IGSF9B: variants seen among roughly 807,000 people sequenced by gnomAD.
IGSF9B encodes immunoglobulin superfamily member 9B, also known as protein turtle homolog B.
Under a neutral mutation model 143.7 loss-of-function variants are expected in IGSF9B, and 48 were observed. The observed-to-expected ratio is 0.33, with a 90% confidence interval of 0.26 to 0.42. The LOEUF (loss-of-function observed/expected upper bound fraction) is 0.42, where lower values mean the gene tolerates loss of function less well. Ranked by LOEUF, IGSF9B falls within the 20% of genes least tolerant of loss-of-function variation. The pLI, the probability that IGSF9B is intolerant of heterozygous loss-of-function variation, is 1.00. For missense variants in IGSF9B, 1,706 were observed against 1,980.0 expected (o/e 0.86, Z 2.63); for synonymous variants, 903 against 833.1 (o/e 1.08, Z -1.44).
intron 7 of IGSF9B, among the ~76,000 whole-genome samples, chr11:133,934,027 G>C (rs190646663): frequency 3.5e-4 from 53 of 151,846 alleles, no homozygotes; most frequent in Admixed American, 3.0e-3. Context: ...TTTATGAATG[G>C]GAAATACTCT....
rs780648245 is a variant in IGSF9B at position 133,903,413 on chromosome 11, G to A, written c.*5656C>T. Among the ~76,000 whole-genome samples the A allele has an allele frequency of 2.6e-5, 4 of 152,116 alleles. No homozygotes were observed. The highest frequency in any genetic ancestry group is 1.9e-4 in the East Asian group (1 of 5,188). On this transcript the variant is annotated 3_prime_UTR_variant, in exon 20 of 20. Transcript: ENST00000533871. Reference sequence around the variant, plus strand: ...AGCCGGTAGCTTTTCACCAGCTCTCGTCCGAAACCCTAACTACTACTACTG... The same window carrying A: ...AGCCGGTAGCTTTTCACCAGCTCTCATCCGAAACCCTAACTACTACTACTG...
At chr11:133,929,074 A>G (rs1219865002) in intron 12 of IGSF9B, among the ~76,000 whole-genome samples, 2 of 152,228 alleles carry the variant, frequency 1.3e-5, no homozygotes, top group African/African-American at 2.4e-5. Flanking sequence ...CAGGATTACA[A>G]GCAACAATAA....
chr11:133,915,887 G>A (rs568937712), intron 18 of IGSF9B, among the ~76,000 whole-genome samples: 122 of 152,248 alleles, frequency 8.0e-4, no homozygotes, highest in Admixed American at 1.8e-3. Flanking sequence ...ACTCATAGAC[G>A]GGCCATAGCA....
chr11:133,920,653 C>T lies in IGSF9B; in HGVS notation c.3072G>A (p.Thr1024=), dbSNP rs1280241177. 5.0e-6 allele frequency: 8 copies of T among 1,613,368 alleles called. No homozygotes were observed. Among genetic ancestry groups the T allele is most frequent in the Admixed American group, 1.7e-5 (1 of 60,004 alleles). Residue 1024 remains threonine (T), a synonymous_variant, in exon 18 of 20, where the codon ACG becomes ACA. Coordinates refer to ENST00000533871, the MANE Select transcript of IGSF9B (RefSeq NM_001277285.4). ...EENGENASNS[T]LPLTQTPTGG... is the part of the protein sequence containing the mutation. The stretch of plus-strand genomic sequence containing the variant: ...CTGTAGGTGTCTGAGTCAAGGGCAG[C>T]GTGCTGTTGGATGCATTCTCTCCAT...
intron 13 of IGSF9B, among the ~76,000 whole-genome samples, 163 bp downstream of exon 13, chr11:133,926,753 A>C (rs1278627004): frequency 6.6e-6 from 1 of 152,216 alleles, no homozygotes; most frequent in African/African-American, 2.4e-5. Flanking sequence ...AGCAAACCCC[A>C]CAGAGACCAC....
In IGSF9B at chr11:133,931,602, C is replaced by A; in HGVS notation, c.1252-33G>T. ...GGAAAGCACAGGCACCCTCGTGAGG[C>A]CGGGGATCCAGGTGCCCAGCTCATG... On this transcript the variant is annotated intron_variant, in intron 9 of 19. Coordinates refer to ENST00000533871, the MANE Select transcript of IGSF9B (RefSeq NM_001277285.4). The surrounding 1 kb of genome is among the most constrained non-coding windows in gnomAD (Gnocchi z 7.7). 6.2e-7 allele frequency: 1 copy of A among 1,609,696 alleles called. No homozygotes were observed.
In IGSF9B at chr11:133,901,233, T is replaced by C. The variant is rs577101001; in HGVS notation, c.*7836A>G. 25 of 152,180 alleles carry C rather than the reference T, an allele frequency of 1.6e-4. No homozygotes were observed. Among genetic ancestry groups the C allele is most frequent in the African/African-American group, 6.0e-4 (25 of 41,484 alleles). The allele number at this position is 152,180 out of a possible 1,614,324, so 9.4% of individuals were successfully genotyped here. A position where few individuals can be genotyped will look rare whatever the true frequency, so the allele number is the denominator to read the frequency against. ...AACTTTTCATATATACACATTTCCA[T>C]CAGAAAGACCCAAGCAACTCTGAAC... is the stretch of plus-strand genomic sequence containing the variant. On this transcript the variant is annotated 3_prime_UTR_variant, in exon 20 of 20. Coordinates refer to ENST00000533871, the MANE Select transcript of IGSF9B (RefSeq NM_001277285.4).
rs778736034 is a variant in IGSF9B, at chr11:133,922,558, C to A, written c.2281+11G>T. 2 of 1,605,982 alleles carry A rather than the reference C, an allele frequency of 1.2e-6. No homozygotes were observed. The highest frequency in any genetic ancestry group is 2.2e-5 in the East Asian group (1 of 44,634). Reference sequence around the variant, plus strand: ...GGCCAGGGAGAGCAAGGGAAGGGGACAGACACCCACCTTTTTTGCGCTTGA... The same window carrying A: ...GGCCAGGGAGAGCAAGGGAAGGGGAAAGACACCCACCTTTTTTGCGCTTGA... On this transcript the variant is annotated intron_variant, in intron 16 of 19. Transcript: ENST00000533871.
chr11:133,915,266 CTCTTT>C (rs1394778419), intron 18 of IGSF9B, among the ~76,000 whole-genome samples: 5 of 75,152 alleles, frequency 6.7e-5, no homozygotes, highest in Admixed American at 1.5e-4. Flanking sequence ...TTCTCTCTCT[CTCTTT>C]TTTTTTTTTT....
At chr11:133,932,234 TGA>T (rs1291662033) in intron 7 of IGSF9B, 21 bp from the exon 8 acceptor site, 82 of 1,544,682 alleles carry the variant, frequency 5.3e-5, no homozygotes, top group Non-Finnish European at 7.1e-5. Flanking sequence ...GAAGCGCAGG[TGA>T]GAGAGCAGAC....
chr11:133,898,215 G>C lies in IGSF9B; in HGVS notation c.*10854C>G, dbSNP rs1283351903. 1 of 152,226 alleles carries C rather than the reference G, an allele frequency of 6.6e-6. No individual in the cohort carries two copies. The highest frequency in any genetic ancestry group is 6.5e-5 in the Admixed American group (1 of 15,282). 9.4% of individuals were successfully genotyped at this position (152,226 alleles called of 1,614,324 possible). ...CCAAAGAAAGTGGAAGAAAGAAAGA[G>C]TTCGAAATGAGAGCAAGAAATCTCA... On this transcript the variant is annotated 3_prime_UTR_variant, in exon 20 of 20. Coordinates refer to ENST00000533871, the MANE Select transcript of IGSF9B (RefSeq NM_001277285.4).
chr11:133,910,253 C>T lies in IGSF9B; in HGVS notation c.4106-976G>A, dbSNP rs756030607. ...TGTTCGTAACTGAAAGAGAGGATGCCGCTACGTGTCCTGCAGTTCGCCGTG... is the reference window on the plus strand; with the variant it reads ...TGTTCGTAACTGAAAGAGAGGATGCTGCTACGTGTCCTGCAGTTCGCCGTG... On this transcript the variant is annotated intron_variant, in intron 19 of 19. Coordinates refer to ENST00000533871, the MANE Select transcript of IGSF9B (RefSeq NM_001277285.4). Among the ~76,000 whole-genome samples the T allele has an allele frequency of 3.9e-5, 6 of 152,246 alleles. No homozygotes were observed. The South Asian group carries it at 1.0e-3, about 26-fold the overall frequency.
chr11:133,946,159 G>C lies in IGSF9B; in HGVS notation c.164C>G (p.Pro55Arg), dbSNP rs1940046943. The change falls in exon 2 of 20, where the codon CCC (proline) becomes CGC (arginine). Residue 55 changes from proline (P) to arginine (R), a missense_variant. Pro to Arg is a moderately radical substitution (Grantham distance 103). Around this residue, in one of 7 missense-constraint regions of IGSF9B, gnomAD observed 171 missense variants for 213.9 expected, o/e 0.80. Transcript: ENST00000533871. The part of the protein sequence containing the change: ...CDVIHPVTGQ[P>R]PPYVVEWFKF... Reference sequence around the variant, plus strand: ...GAACCACTCTACGACATAGGGTGGGGGCTGTCCCGTCACTGGGTGGATCAC... The same window carrying C: ...GAACCACTCTACGACATAGGGTGGGCGCTGTCCCGTCACTGGGTGGATCAC... 1.2e-6 allele frequency: 2 copies of C among 1,613,098 alleles called. No homozygotes were observed. Among genetic ancestry groups the C allele is most frequent in the Non-Finnish European group, 1.7e-6 (2 of 1,179,592 alleles).
chr11:133,922,627 G>A lies in IGSF9B; in HGVS notation c.2223C>T (p.Ser741=). The A allele has an allele frequency of 6.2e-7, 1 of 1,606,844 alleles. No individual in the cohort carries two copies. The highest frequency in any genetic ancestry group is 1.3e-5 in the African/African-American group (1 of 74,972). Residue 741 remains serine (S), a synonymous_variant, in exon 16 of 20, where the codon AGC becomes AGT. Coordinates refer to ENST00000533871, the MANE Select transcript of IGSF9B (RefSeq NM_001277285.4). ...TGTTGACAAAGCAGGCAGCCAGGGT[G>A]CTGAACAGGATGGCAGCTGCCAAGA... ...ICFLAAAILF[S]TLAACFVNKQ... is the part of the protein sequence containing the mutation.
At chr11:133,918,417 C>G (rs955300844) in intron 18 of IGSF9B, among the ~76,000 whole-genome samples, 2 of 151,966 alleles carry the variant, frequency 1.3e-5, no homozygotes, top group African/African-American at 4.8e-5. Context: ...GAGGCCGGAG[C>G]GTGGGGGAGG....
At chr11:133,919,314 C>A (rs1939462044) in intron 18 of IGSF9B, among the ~76,000 whole-genome samples, 1 of 152,104 alleles carries the variant, frequency 6.6e-6, no homozygotes, top group African/African-American at 2.4e-5. Flanking sequence ...TAGCAAGCAG[C>A]AGGGGCCGGG....
chr11:133,903,215 G>A lies in IGSF9B; in HGVS notation c.*5854C>T, dbSNP rs1221677462. ...GAAATCCAGTGCCACAGAGAGGTAG[G>A]ATTGGTGGAGCACACTTCTTCAAGA... On this transcript the variant is annotated 3_prime_UTR_variant, in exon 20 of 20. Coordinates refer to ENST00000533871, the MANE Select transcript of IGSF9B (RefSeq NM_001277285.4). Among the ~76,000 whole-genome samples the A allele has an allele frequency of 2.0e-5, 3 of 152,084 alleles. No homozygotes were observed. Among genetic ancestry groups the A allele is most frequent in the African/African-American group, 7.2e-5 (3 of 41,402 alleles).
chr11:133,950,243 G>A (rs1940133156), intron 1 of IGSF9B, among the ~76,000 whole-genome samples: 3 of 152,218 alleles, frequency 2.0e-5, no homozygotes, highest in Admixed American at 1.3e-4. Context: ...CCTGAAAGCA[G>A]GACTGCTCTG....
At chr11:133,951,488 C>T (rs974085511) in intron 1 of IGSF9B, among the ~76,000 whole-genome samples, 1 of 152,236 alleles carries the variant, frequency 6.6e-6, no homozygotes, top group Non-Finnish European at 1.5e-5. Flanking sequence ...GGGGGCCGCT[C>T]CGGCCCTGAG....
Sources: allele counts gnomAD v4.1 joint callset (sites outside exome capture counted in the v4.1 genomes callset), GRCh38; gene constraint gnomAD v4.1.1; regional missense constraint gnomAD v4.1.1; non-coding constraint Gnocchi (gnomAD v3.1); transcripts MANE v1.5; gene names NCBI Gene and HGNC (gene_info 2026-07-23, HGNC 2026-07-21).